Variants in GALNT18 observed in about 807,000 individuals in gnomAD.
GALNT18 encodes polypeptide N-acetylgalactosaminyltransferase 18, also known as GalNAc-transferase 18.
A neutral mutation model predicts 69.5 loss-of-function variants in GALNT18; 44 were observed. The ratio of observed to expected loss-of-function variants is 0.63; its 90% CI spans 0.50 to 0.81. The LOEUF is 0.81. Ranked by LOEUF, GALNT18 falls within the 40% of genes least tolerant of loss-of-function variation. The pLI is 0.00. For missense variants in GALNT18, 715 were observed against 810.0 expected (o/e 0.88, Z 1.42); for synonymous variants, 364 against 318.2 (o/e 1.14, Z -1.53).
chr11:11,527,297 CTT>C (rs951672980), intron 1 of GALNT18, among the ~76,000 whole-genome samples: 2 of 152,172 alleles, frequency 1.3e-5, no homozygotes, highest in Non-Finnish European at 2.9e-5. Flanking sequence ...ATCTAAGACA[CTT>C]TTTTGATCAA....
chr11:11,414,008 C>T (rs927681968), intron 3 of GALNT18, among the ~76,000 whole-genome samples: 3 of 152,208 alleles, frequency 2.0e-5, no homozygotes, highest in Admixed American at 1.3e-4. Flanking sequence ...CACTGTCCTT[C>T]ACCCCGTCAC....
intron 9 of GALNT18, among the ~76,000 whole-genome samples, chr11:11,317,410 C>T (rs1020742068): frequency 3.3e-5 from 5 of 152,186 alleles, no homozygotes; most frequent in Admixed American, 6.5e-5. Context: ...CTATTCCTAT[C>T]GCTTTTTAAT....
At chr11:11,304,914 A>G (rs1031323238) in intron 9 of GALNT18, among the ~76,000 whole-genome samples, 1 of 152,270 alleles carries the variant, frequency 6.6e-6, no homozygotes, top group African/African-American at 2.4e-5. Context: ...CTGAAGCTGA[A>G]TGATGACAAC....
In GALNT18 at chr11:11,494,599, C is replaced by T. The variant is rs976870190; in HGVS notation, c.236-45663G>A. ...CATGCCTCACAATTCACTGCAGCTC[C>T]CCTTCTTTCCACCGCTATCTGCCAC... On this transcript the variant is annotated intron_variant, in intron 1 of 10. Transcript: ENST00000227756. The surrounding 1 kb of genome is among the most constrained non-coding windows in gnomAD (Gnocchi z 5.7). 6.6e-6 allele frequency among the ~76,000 whole-genome samples: 1 copy of T among 152,188 alleles called. No homozygotes were observed. Among genetic ancestry groups the T allele is most frequent in the African/African-American group, 2.4e-5 (1 of 41,440 alleles).
rs1404191172 is a variant in GALNT18, at chr11:11,591,075, T to C, written c.235+30284A>G. Among the ~76,000 whole-genome samples, 1 of 152,146 alleles carries C rather than the reference T, an allele frequency of 6.6e-6. No homozygotes were observed. The highest frequency in any genetic ancestry group is 1.5e-5 in the Non-Finnish European group (1 of 68,014). On this transcript the variant is annotated intron_variant, in intron 1 of 10. Transcript: ENST00000227756. The surrounding 1 kb of genome is among the most constrained non-coding windows in gnomAD (Gnocchi z 4.8). ...TTATCATCATAGCAGATGACAGCTC[T>C]ATGCATGTTATTGCCCAATGGGACA... is the stretch of plus-strand genomic sequence containing the variant.
chr11:11,468,681 G>C (rs1008896411), intron 1 of GALNT18, among the ~76,000 whole-genome samples: 2 of 152,200 alleles, frequency 1.3e-5, no homozygotes, highest in Admixed American at 1.3e-4. Context: ...ACTTTCCTGA[G>C]TCACTTGTAG....
intron 1 of GALNT18, among the ~76,000 whole-genome samples, chr11:11,568,730 C>T (rs1168828281): frequency 6.6e-6 from 1 of 152,090 alleles, no homozygotes; most frequent in African/African-American, 2.4e-5. Flanking sequence ...CCCTTAAAAC[C>T]ACGGAGTCTC....
At chr11:11,275,621 G>A (rs1001235617) in intron 10 of GALNT18, among the ~76,000 whole-genome samples, 19 of 152,296 alleles carry the variant, frequency 1.2e-4, no homozygotes, top group African/African-American at 2.6e-4. Context: ...CCGATGTCCC[G>A]AATGGTACTG....
At chr11:11,516,089 C>A (rs1297929305) in intron 1 of GALNT18, among the ~76,000 whole-genome samples, 1 of 152,148 alleles carries the variant, frequency 6.6e-6, no homozygotes, top group Non-Finnish European at 1.5e-5. Context: ...GTGAGATGGG[C>A]CGTCACCACA....
At chr11:11,298,562 G>A (rs1304916922) in intron 9 of GALNT18, among the ~76,000 whole-genome samples, 2 of 152,122 alleles carry the variant, frequency 1.3e-5, no homozygotes, top group Non-Finnish European at 2.9e-5. Flanking sequence ...CAGCTGCCCA[G>A]GCCCGGGAGC....
rs1860135795 is a variant in GALNT18, at chr11:11,619,565, A to G, written c.235+1794T>C. On this transcript the variant is annotated intron_variant, in intron 1 of 10. Transcript: ENST00000227756. This position sits in a 1 kb window ranked among gnomAD's most constrained non-coding sequence, Gnocchi z 4.9. The stretch of plus-strand genomic sequence containing the variant: ...TACCTTGCTCACCTCCTGCCTGACC[A>G]GAAAGAAAAGCACAAGAGAATCATT... 6.6e-6 allele frequency among the ~76,000 whole-genome samples: 1 copy of G among 152,158 alleles called. No individual in the cohort carries two copies. Among genetic ancestry groups the G allele is most frequent in the Non-Finnish European group, 1.5e-5 (1 of 68,012 alleles).
rs1859236385 is a variant in GALNT18 at position 11,586,748 on chromosome 11, C to T, written c.235+34611G>A. Among the ~76,000 whole-genome samples the T allele has an allele frequency of 6.6e-6, 1 of 152,104 alleles. No homozygotes were observed. Among genetic ancestry groups the T allele is most frequent in the Admixed American group, 6.6e-5 (1 of 15,264 alleles). On this transcript the variant is annotated intron_variant, in intron 1 of 10. Transcript: ENST00000227756. This position sits in a 1 kb window ranked among gnomAD's most constrained non-coding sequence, Gnocchi z 4.1. ...CAGCCCTTTGGGACGCCGAGGCGGGCAGATCACCTGAGGTCAGGAGTTTGA... is the reference window on the plus strand; with the variant it reads ...CAGCCCTTTGGGACGCCGAGGCGGGTAGATCACCTGAGGTCAGGAGTTTGA...
intron 1 of GALNT18, among the ~76,000 whole-genome samples, chr11:11,522,212 G>C (rs2133929754): frequency 6.6e-6 from 1 of 152,250 alleles, no homozygotes; most frequent in South Asian, 2.1e-4. Flanking sequence ...TCATTCTGGG[G>C]AATAACCATC....
intron 9 of GALNT18, among the ~76,000 whole-genome samples, chr11:11,307,963 G>T (rs7951509): frequency 1.3e-5 from 2 of 152,082 alleles, no homozygotes; most frequent in Non-Finnish European, 2.9e-5. Flanking sequence ...CAAAAGCTGG[G>T]GGCCAGGGGT....
chr11:11,562,871 C>T lies in GALNT18; in HGVS notation c.235+58488G>A, dbSNP rs376228443. Reference sequence around the variant, plus strand: ...GACTTGAACTGGGGTCTGCCTAGCTCGAGGCCTGGGCTTTCCCTTCCCATC... The same window carrying T: ...GACTTGAACTGGGGTCTGCCTAGCTTGAGGCCTGGGCTTTCCCTTCCCATC... On this transcript the variant is annotated intron_variant, in intron 1 of 10. Coordinates refer to ENST00000227756, the MANE Select transcript of GALNT18 (RefSeq NM_198516.3). This position sits in a 1 kb window ranked among gnomAD's most constrained non-coding sequence, Gnocchi z 4.1. 6.6e-6 allele frequency among the ~76,000 whole-genome samples: 1 copy of T among 152,046 alleles called. No individual in the cohort carries two copies. Among genetic ancestry groups the T allele is most frequent in the East Asian group, 1.9e-4 (1 of 5,188 alleles).
intron 1 of GALNT18, among the ~76,000 whole-genome samples, chr11:11,537,107 T>G (rs1195938897): frequency 6.6e-6 from 1 of 152,204 alleles, no homozygotes; most frequent in Admixed American, 6.5e-5. Flanking sequence ...AGATCAACTC[T>G]GCTGATCTTC....
chr11:11,344,663 A>G (rs907504999), intron 6 of GALNT18, among the ~76,000 whole-genome samples: 1 of 152,182 alleles, frequency 6.6e-6, no homozygotes, highest in African/African-American at 2.4e-5. Context: ...CACCTTTGGC[A>G]GGTTACTTCC....
intron 1 of GALNT18, among the ~76,000 whole-genome samples, chr11:11,498,798 C>CAAAA (rs1299693929): frequency 6.6e-6 from 1 of 151,588 alleles, no homozygotes. Context: ...GACTCCATCT[C>CAAAA]AAAAAAATAA....
rs977789894 is a variant in GALNT18 at position 11,603,236 on chromosome 11, G to A, written c.235+18123C>T. On this transcript the variant is annotated intron_variant, in intron 1 of 10. Transcript: ENST00000227756. This position sits in a 1 kb window ranked among gnomAD's most constrained non-coding sequence, Gnocchi z 4.5. Reference sequence around the variant, plus strand: ...TACCCAACAGCCAAGACTAAGTGTTGCCACATAAGAACCGTCCTCCAAGGC... The same window carrying A: ...TACCCAACAGCCAAGACTAAGTGTTACCACATAAGAACCGTCCTCCAAGGC... Among the ~76,000 whole-genome samples the A allele has an allele frequency of 4.6e-5, 7 of 152,178 alleles. No individual in the cohort carries two copies. Among genetic ancestry groups the A allele is most frequent in the African/African-American group, 1.7e-4 (7 of 41,444 alleles).
Sources: allele counts gnomAD v4.1 joint callset (sites outside exome capture counted in the v4.1 genomes callset), GRCh38; gene constraint gnomAD v4.1.1; non-coding constraint Gnocchi (gnomAD v3.1); transcripts MANE v1.5; gene names NCBI Gene and HGNC (gene_info 2026-07-23, HGNC 2026-07-21).